The following DNAH3 variants were observed in gnomAD, a reference collection of about 807,000 sequenced individuals.
DNAH3 encodes axonemal beta dynein heavy chain 3.
DNAH3 carries 332 observed loss-of-function variants against 432.5 expected under a neutral mutation model. The observed-to-expected ratio is 0.77, with a 90% CI of 0.70 to 0.84. The LOEUF (loss-of-function observed/expected upper bound fraction) is 0.84. DNAH3 is among the 40% of genes least tolerant of loss of function. The probability of loss-of-function intolerance (pLI) is 0.00; values close to 1 mark genes in which losing one functional copy is unlikely to be tolerated. For synonymous variants in DNAH3, 1,956 were observed against 1,900.2 expected (o/e 1.03, Z -0.76); for missense variants, 4,861 against 5,114.0 (o/e 0.95, Z 1.51).
rs2152804466 is a variant in DNAH3, at chr16:21,111,820, C to T, written c.1921-16G>A. ...CATTGATCTTCTGCAGAAAGGAGCA[C>T]ATTCAGTAGCTTGATTTGCCCTTGA... On this transcript the variant is annotated splice_polypyrimidine_tract_variant and intron_variant, in intron 13 of 61. Transcript: ENST00000261383. 2.5e-6 allele frequency: 4 copies of T among 1,609,130 alleles called. No homozygotes were observed. The highest frequency in any genetic ancestry group is 2.2e-5 in the South Asian group (2 of 90,886).
chr16:21,137,956 A>C (rs1010726687), intron 5 of DNAH3, among the ~76,000 whole-genome samples: 1 of 152,212 alleles, frequency 6.6e-6, no homozygotes, highest in East Asian at 1.9e-4. Flanking sequence ...TCAGATCAGA[A>C]GAGGTTGCTG....
At chr16:20,987,777 G>A (rs1173803117) in exon 46 of DNAH3, 1 of 1,614,000 alleles carries the variant, frequency 6.2e-7, no homozygotes, top group African/African-American at 1.3e-5. Flanking sequence ...GTGACTTCGA[G>A]GGAGTTGGCA....
chr16:21,120,708 T>C (rs767095203), intron 11 of DNAH3: 161 of 1,492,738 alleles, frequency 1.1e-4, no homozygotes, highest in Non-Finnish European at 1.4e-4. Context: ...CTTGGCATTG[T>C]AATTCATCAA....
At chr16:21,085,892 C>G (rs1371820803) in intron 19 of DNAH3, among the ~76,000 whole-genome samples, 1 of 152,052 alleles carries the variant, frequency 6.6e-6, no homozygotes, top group Non-Finnish European at 1.5e-5. Context: ...CTCAGCCTCC[C>G]AAGTTACTGG....
chr16:20,988,303 A>G (rs1396814936), intron 44 of DNAH3, among the ~76,000 whole-genome samples: 1 of 152,250 alleles, frequency 6.6e-6, no homozygotes, highest in Non-Finnish European at 1.5e-5. Context: ...CAAGAGCCAC[A>G]TGTGGCTAGT....
chr16:21,054,185 T>A (rs1347009446), intron 28 of DNAH3, among the ~76,000 whole-genome samples: 1 of 152,170 alleles, frequency 6.6e-6, no homozygotes, highest in East Asian at 1.9e-4. Context: ...TGGCCATCAT[T>A]GTCTCAGTAC....
At chr16:21,028,596 G>A (rs1031061728) in intron 37 of DNAH3, among the ~76,000 whole-genome samples, 2 of 151,360 alleles carry the variant, frequency 1.3e-5, no homozygotes, top group African/African-American at 4.9e-5. Context: ...GGAGGTTGCA[G>A]TGAGCTGAGA....
At chr16:21,062,945 C>A (rs2090414475) in intron 24 of DNAH3, 1 of 406,338 alleles carries the variant, frequency 2.5e-6, no homozygotes, top group Non-Finnish European at 4.4e-6. Context: ...TCCTCAGCCT[C>A]CTGAGTAGCT....
intron 57 of DNAH3, 43 bp downstream of exon 57, chr16:20,948,440 G>GC (rs2084153118): frequency 4.4e-6 from 7 of 1,595,338 alleles, no homozygotes; most frequent in Non-Finnish European, 6.0e-6. Flanking sequence ...AGATGACGGA[G>GC]CCCTGTGGGG....
chr16:21,116,798 T>C (rs1332745731), intron 12 of DNAH3, among the ~76,000 whole-genome samples: 1 of 152,232 alleles, frequency 6.6e-6, no homozygotes, highest in African/African-American at 2.4e-5. Flanking sequence ...GAGGCTATTA[T>C]GTGAATATTT....
rs149594686 is a variant in DNAH3, at chr16:21,067,802, ACT to A, written c.3382-385_3382-384del. Among the ~76,000 whole-genome samples the A allele has an allele frequency of 5.3e-4, 69 of 129,886 alleles. 1 individual carries two copies. Among genetic ancestry groups the A allele is most frequent in the South Asian group, 1.1e-3 (4 of 3,794 alleles). The allele number at this position is 129,886 out of a possible 152,430, so 85.2% of individuals were successfully genotyped here. ...GAGAGAGAGAGAGAGAGAGAGAGAG[ACT>A]GACTAAGGCAGGGCCAGGAAAGAGG... On this transcript the variant is annotated intron_variant, in intron 23 of 61. Coordinates refer to ENST00000261383, the Ensembl canonical transcript of DNAH3.
intron 12 of DNAH3, among the ~76,000 whole-genome samples, chr16:21,112,674 G>A (rs2152805089): frequency 6.6e-6 from 1 of 152,074 alleles, no homozygotes; most frequent in Admixed American, 6.6e-5. Context: ...GATTTGGTGG[G>A]GACACAGCCA....
chr16:21,077,918 C>A (rs1005170368), intron 20 of DNAH3, among the ~76,000 whole-genome samples: 1 of 152,106 alleles, frequency 6.6e-6, no homozygotes, highest in Non-Finnish European at 1.5e-5. Context: ...TAATCTGACT[C>A]CTACCCTGGT....
intron 44 of DNAH3, among the ~76,000 whole-genome samples, chr16:20,991,158 T>C (rs776992548): frequency 6.6e-6 from 1 of 152,266 alleles, no homozygotes; most frequent in Non-Finnish European, 1.5e-5. Context: ...CTGACTTTTA[T>C]AGTAATTGCT....
intron 18 of DNAH3, among the ~76,000 whole-genome samples, chr16:21,094,803 T>C (rs1353590349): frequency 6.6e-6 from 1 of 152,122 alleles, no homozygotes; most frequent in Non-Finnish European, 1.5e-5. Flanking sequence ...GGGAGGTAAC[T>C]GAATCATGGG....
chr16:20,964,928 G>A lies in DNAH3; in HGVS notation c.8956C>T (p.Arg2986Ter), dbSNP rs749976393. 2.4e-5 allele frequency: 39 copies of A among 1,613,952 alleles called. No homozygotes were observed. The highest frequency in any genetic ancestry group is 1.6e-4 in the Middle Eastern group (1 of 6,082). Residue 2986 changes from arginine to a stop codon, truncating the protein, a stop_gained, in exon 53 of 62, where the codon CGA becomes TGA. Transcript: ENST00000261383. LOFTEE classifies it high-confidence loss of function. ...TTAGTATAGCGGATCCCCAGCTGTCGGGCAGCTTCGGTCCATCTGTCCTTC... is the reference window on the plus strand; with the variant it reads ...TTAGTATAGCGGATCCCCAGCTGTCAGGCAGCTTCGGTCCATCTGTCCTTC...
In DNAH3 at chr16:21,121,935, A is replaced by G. The variant is rs1220092472; in HGVS notation, c.1584+10T>C. On this transcript the variant is annotated intron_variant, in intron 10 of 61. Coordinates refer to ENST00000261383, the Ensembl canonical transcript of DNAH3. The stretch of plus-strand genomic sequence containing the variant: ...AATCATGCAAATGAATGATTAAGTG[A>G]CTACTATACCTTGGGGATCCCATTA... The G allele has an allele frequency of 6.3e-7, 1 of 1,578,008 alleles. No homozygotes were observed. Among genetic ancestry groups the G allele is most frequent in the Non-Finnish European group, 8.6e-7 (1 of 1,163,088 alleles).
At chr16:21,074,311 T>C (rs2090898609) in intron 21 of DNAH3, among the ~76,000 whole-genome samples, 1 of 151,982 alleles carries the variant, frequency 6.6e-6, no homozygotes, top group South Asian at 2.1e-4. Context: ...GCCTGAAAAA[T>C]ACAGATGCCC....
intron 28 of DNAH3, among the ~76,000 whole-genome samples, chr16:21,052,620 A>C (rs948719181): frequency 6.6e-6 from 1 of 152,240 alleles, no homozygotes; most frequent in Non-Finnish European, 1.5e-5. Flanking sequence ...ATATATAGGT[A>C]CATACATACA....
Sources: allele counts gnomAD v4.1 joint callset (sites outside exome capture counted in the v4.1 genomes callset), GRCh38; gene constraint gnomAD v4.1.1; transcripts MANE v1.5; gene names NCBI Gene and HGNC (gene_info 2026-07-23, HGNC 2026-07-21).